Variants in HK1 observed in about 807,000 individuals in gnomAD.
HK1 encodes hexokinase 1.
A neutral mutation model predicts 91.6 loss-of-function variants in HK1; 28 were observed. The ratio of observed to expected loss-of-function variants is 0.31; its 90% CI spans 0.23 to 0.42. HK1 has a LOEUF of 0.42. Ranked by LOEUF, HK1 falls within the 10% of genes least tolerant of loss-of-function variation. The pLI, the probability that HK1 is intolerant of heterozygous loss-of-function variation, is 1.00. For synonymous variants in HK1, 430 were observed against 468.1 expected (o/e 0.92, Z 1.05); for missense variants, 770 against 1,219.8 (o/e 0.63, Z 5.49).
intron 1 of HK1, among the ~76,000 whole-genome samples, chr10:69,340,601 C>G (rs116825615): frequency 1.8e-3 from 267 of 152,314 alleles, no homozygotes; most frequent in African/African-American, 6.2e-3. Flanking sequence ...CTATGTTGCT[C>G]AGGCTGGTCT....
intron 2 of HK1, among the ~76,000 whole-genome samples, chr10:69,285,936 T>C (rs1261999861): frequency 1.3e-5 from 2 of 152,166 alleles, no homozygotes; most frequent in Non-Finnish European, 2.9e-5. Context: ...GGTAACAACA[T>C]TGTAAGACTG....
chr10:69,393,543 C>T (rs1324151974), intron 15 of HK1, among the ~76,000 whole-genome samples: 5 of 151,946 alleles, frequency 3.3e-5, no homozygotes, highest in Non-Finnish European at 5.9e-5. Context: ...GTGATTGGCC[C>T]GCCTCAGCCT....
chr10:69,314,901 C>A (rs1029624850), upstream of HK1, among the ~76,000 whole-genome samples: 3 of 152,134 alleles, frequency 2.0e-5, no homozygotes, highest in African/African-American at 4.8e-5. Flanking sequence ...CTCCTGACCA[C>A]GTGATCCTCC....
chr10:69,342,619 G>A (rs954822116), intron 1 of HK1, among the ~76,000 whole-genome samples: 8 of 152,150 alleles, frequency 5.3e-5, no homozygotes, highest in African/African-American at 1.2e-4. Context: ...GCAAGGCTTT[G>A]GGCAGAGGCA....
intron 4 of HK1, among the ~76,000 whole-genome samples, chr10:69,298,511 C>T (rs943380538): frequency 1.3e-5 from 2 of 151,732 alleles, no homozygotes; most frequent in Admixed American, 6.6e-5. Flanking sequence ...CCTACAATCC[C>T]AGCTACTTGA....
At chr10:69,389,091 A>G (rs1839778478) in intron 13 of HK1, 106 bp from the exon 14 acceptor site, 1 of 814,184 alleles carries the variant, frequency 1.2e-6, no homozygotes, top group Non-Finnish European at 2.1e-6. Flanking sequence ...ACCATCTTAG[A>G]TGATGACCAG....
upstream of HK1, among the ~76,000 whole-genome samples, chr10:69,317,561 G>C (rs1470933044): frequency 1.3e-5 from 2 of 152,158 alleles, no homozygotes; most frequent in African/African-American, 4.8e-5. Context: ...TTGGGGGTTG[G>C]ATCTCAGGGC....
intron 4 of HK1, among the ~76,000 whole-genome samples, 184 bp downstream of exon 4, chr10:69,365,086 T>A (rs1201211479): frequency 6.6e-6 from 1 of 152,090 alleles, no homozygotes; most frequent in Non-Finnish European, 1.5e-5. Context: ...CACTTAAACT[T>A]CAGTTATTTA....
intron 1 of HK1, among the ~76,000 whole-genome samples, chr10:69,325,044 A>ATTTTCTTTT (rs1847249116): frequency 1.1e-5 from 1 of 93,904 alleles, no homozygotes; most frequent in African/African-American, 4.3e-5. Flanking sequence ...AAAAATGTGT[A>ATTTTCTTTT]TTTTTTTTTT....
chr10:69,321,183 A>G (rs1589478567), intron 1 of HK1, among the ~76,000 whole-genome samples: 1 of 152,192 alleles, frequency 6.6e-6, no homozygotes, highest in African/African-American at 2.4e-5. Flanking sequence ...CTCATTTTGC[A>G]TAGTGGACTG....
intron 1 of HK1, among the ~76,000 whole-genome samples, chr10:69,330,322 C>G (rs1847643594): frequency 6.6e-6 from 1 of 152,102 alleles, no homozygotes; most frequent in Admixed American, 6.6e-5. Flanking sequence ...TTGATTTAAT[C>G]AGATGCTTAC....
intron 7 of HK1, among the ~76,000 whole-genome samples, chr10:69,370,808 A>G (rs1849961257): frequency 6.6e-6 from 1 of 152,166 alleles, no homozygotes; most frequent in African/African-American, 2.4e-5. Context: ...TTGATAAAGA[A>G]CAGAAGTAAG....
intron 5 of HK1, among the ~76,000 whole-genome samples, chr10:69,303,796 C>T (rs1456649587): frequency 9.9e-5 from 15 of 152,198 alleles, no homozygotes; most frequent in Non-Finnish European, 1.5e-5. Flanking sequence ...CTCAGAGTCA[C>T]CTTTGCGGGA....
chr10:69,292,259 G>A, intron 3 of HK1: 1 of 354,084 alleles, frequency 2.8e-6, no homozygotes, highest in South Asian at 2.1e-5. Flanking sequence ...TTTTTGTAGA[G>A]ACAGGGTCTT....
chr10:69,319,145 A>G (rs1379461647), intron 1 of HK1, 135 bp downstream of exon 1: 2 of 1,053,170 alleles, frequency 1.9e-6, no homozygotes, highest in African/African-American at 1.6e-5. Flanking sequence ...GCAGGGCGCA[A>G]GGAAAGCCTT....
intron 4 of HK1, among the ~76,000 whole-genome samples, chr10:69,296,558 G>A (rs906818146): frequency 3.9e-5 from 6 of 152,188 alleles, no homozygotes; most frequent in African/African-American, 1.4e-4. Context: ...TAGGTGAAAC[G>A]TGCTTTAAGA....
intron 2 of HK1, among the ~76,000 whole-genome samples, chr10:69,284,476 C>G (rs1429637980): frequency 6.6e-6 from 1 of 152,020 alleles, no homozygotes; most frequent in Non-Finnish European, 1.5e-5. Context: ...GAAAGCAAGG[C>G]TAAAACTATG....
chr10:69,361,784 C>A (rs890029435), intron 3 of HK1, among the ~76,000 whole-genome samples: 2 of 152,188 alleles, frequency 1.3e-5, no homozygotes, highest in African/African-American at 2.4e-5. Context: ...TGACGATAAT[C>A]ATGATAATGT....
chr10:69,317,974 G>A (rs1416918638), upstream of HK1: 1 of 877,908 alleles, frequency 1.1e-6, no homozygotes, highest in Admixed American at 6.2e-5. Context: ...CGGCACCTGG[G>A]AAGGGGCGCT....
Sources: gnomAD v4.1 joint callset for allele counts (sites outside exome capture counted in the v4.1 genomes callset) on GRCh38, gnomAD v4.1.1 for gene constraint, MANE v1.5 for transcripts, NCBI Gene and HGNC (gene_info 2026-07-23, HGNC 2026-07-21) for gene names.